SETBP1: variants seen among roughly 807,000 people sequenced by gnomAD.
SETBP1 encodes the protein SET-binding protein.
Under a neutral mutation model 101.0 loss-of-function variants are expected in SETBP1, and 9 were observed. The observed-to-expected ratio is 0.09, with a 90% confidence interval of 0.05 to 0.16. The LOEUF (loss-of-function observed/expected upper bound fraction) is 0.16. Ranked by LOEUF, SETBP1 falls within the 10% of genes least tolerant of loss-of-function variation. The pLI, the probability that SETBP1 is intolerant of heterozygous loss-of-function variation, is 1.00. For missense variants in SETBP1, 1,858 were observed against 2,033.8 expected (o/e 0.91, Z 1.66); for synonymous variants, 818 against 788.5 (o/e 1.04, Z -0.63).
At chr18:44,945,237 A>G (rs1308623043) in intron 3 of SETBP1, among the ~76,000 whole-genome samples, 2 of 152,226 alleles carry the variant, frequency 1.3e-5, no homozygotes, top group East Asian at 1.9e-4. Flanking sequence ...TCAACTGACA[A>G]AGGGCTAATA....
chr18:44,681,702 T>C (rs2068763403), intron 1 of SETBP1, among the ~76,000 whole-genome samples: 1 of 152,100 alleles, frequency 6.6e-6, no homozygotes, highest in South Asian at 2.1e-4. Context: ...TATTGCCCCC[T>C]AATGCTGCAT....
Position 44,709,567 on chromosome 18 carries a change from G to A in SETBP1, c.486+7735G>A, listed in dbSNP as rs544080312. ...CACTGTGGTGAGGTTGAAGTTGTCC[G>A]TTGGACACTTAGGACAGCCCTTTGC... On this transcript the variant is annotated intron_variant, in intron 2 of 5. Transcript: ENST00000649279. Among the ~76,000 whole-genome samples the A allele has an allele frequency of 3.9e-5, 6 of 152,278 alleles. No homozygotes were observed. In the South Asian group the frequency reaches 8.3e-4, roughly 21 times the overall value.
At position 44,877,396 on chromosome 18, in the gene SETBP1, T is replaced by G. The variant is rs968088603; in HGVS notation, c.540+8113T>G. Reference sequence around the variant, plus strand: ...CAACACTGAGCTTTCCTAGTTTTAATAAAAGAGTAGGATTTGGACTCCTTA... The same window carrying G: ...CAACACTGAGCTTTCCTAGTTTTAAGAAAAGAGTAGGATTTGGACTCCTTA... On this transcript the variant is annotated intron_variant, in intron 3 of 5. Coordinates refer to ENST00000649279, the MANE Select transcript of SETBP1 (RefSeq NM_015559.3). The G allele has an allele frequency of 1.6e-5, 16 of 980,488 alleles. No homozygotes were observed. In the South Asian group the frequency reaches 7.6e-4, roughly 46 times the overall value. The allele number at this position is 980,488 out of a possible 1,614,324, so 60.7% of individuals were successfully genotyped here. A position where few individuals can be genotyped will look rare whatever the true frequency, so the allele number is the denominator to read the frequency against.
intron 2 of SETBP1, among the ~76,000 whole-genome samples, chr18:44,825,714 G>A (rs1173501310): frequency 6.6e-6 from 1 of 152,230 alleles, no homozygotes; most frequent in African/African-American, 2.4e-5. Flanking sequence ...ATTTCTTGAT[G>A]CAGAATTAAT....
At chr18:44,752,507 C>T (rs989484612) in intron 2 of SETBP1, among the ~76,000 whole-genome samples, 1 of 152,160 alleles carries the variant, frequency 6.6e-6, no homozygotes, top group Admixed American at 6.5e-5. Context: ...AAATGTGCAG[C>T]ATGTTTTTGC....
At chr18:44,858,691 C>T (rs1051571593) in intron 2 of SETBP1, among the ~76,000 whole-genome samples, 2 of 152,102 alleles carry the variant, frequency 1.3e-5, no homozygotes, top group African/African-American at 4.8e-5. Flanking sequence ...TCCTGCTGTC[C>T]AGCTCCTTCA....
intron 5 of SETBP1, among the ~76,000 whole-genome samples, chr18:45,061,429 T>A (rs1371716766): frequency 6.6e-6 from 1 of 152,176 alleles, no homozygotes; most frequent in Admixed American, 6.5e-5. Context: ...ACTACAAAAA[T>A]TTTATTTTTG....
At chr18:44,717,736 G>A (rs1390397073) in intron 2 of SETBP1, among the ~76,000 whole-genome samples, 1 of 152,176 alleles carries the variant, frequency 6.6e-6, no homozygotes, top group Non-Finnish European at 1.5e-5. Flanking sequence ...CTCACTGGTG[G>A]ACTAAGCCTG....
At chr18:44,825,027 A>G (rs995151481) in intron 2 of SETBP1, among the ~76,000 whole-genome samples, 2 of 152,226 alleles carry the variant, frequency 1.3e-5, no homozygotes, top group African/African-American at 4.8e-5. Flanking sequence ...ATTCACCTAA[A>G]CATATAGAGT....
At chr18:44,898,517 AT>A (rs2069961271) in intron 3 of SETBP1, among the ~76,000 whole-genome samples, 1 of 152,080 alleles carries the variant, frequency 6.6e-6, no homozygotes, top group Non-Finnish European at 1.5e-5. Context: ...CCAGATGTGT[AT>A]TTTCAAATGC....
intron 4 of SETBP1, among the ~76,000 whole-genome samples, chr18:44,964,794 C>T (rs532543506): frequency 2.0e-4 from 31 of 152,230 alleles, no homozygotes; most frequent in African/African-American, 7.0e-4. Flanking sequence ...CATGCTCCCC[C>T]CAGGCCACAC....
At position 44,948,438 on chromosome 18, in the gene SETBP1, A is replaced by G. The variant is rs991842655; in HGVS notation, c.541-1443A>G. ...GGGGCTGTAAGACATGTTTTCCTAT[A>G]AAGCATAAGTTCTATAGCTTCAATG... On this transcript the variant is annotated intron_variant, in intron 3 of 5. Transcript: ENST00000649279. Among the ~76,000 whole-genome samples, 19 of 152,110 alleles carry G rather than the reference A, an allele frequency of 1.2e-4. 1 individual carries two copies. Among genetic ancestry groups the G allele is most frequent in the Non-Finnish European group, 2.2e-4 (15 of 68,034 alleles).
intron 3 of SETBP1, among the ~76,000 whole-genome samples, chr18:44,941,153 C>G (rs934687937): frequency 1.4e-5 from 2 of 146,372 alleles, no homozygotes; most frequent in Non-Finnish European, 3.0e-5. Flanking sequence ...GCCATCTCAC[C>G]TCACTGCAAC....
At chr18:44,906,119 G>A (rs941093083) in intron 3 of SETBP1, among the ~76,000 whole-genome samples, 1 of 152,138 alleles carries the variant, frequency 6.6e-6, no homozygotes, top group African/African-American at 2.4e-5. Flanking sequence ...GGCGTTATGT[G>A]GATAGGTTCA....
chr18:44,692,231 G>T (rs1033352415), intron 1 of SETBP1, among the ~76,000 whole-genome samples: 2 of 152,138 alleles, frequency 1.3e-5, no homozygotes, highest in Non-Finnish European at 2.9e-5. Flanking sequence ...AAAAAAGTTT[G>T]CACACTTACT....
intron 3 of SETBP1, among the ~76,000 whole-genome samples, chr18:44,928,974 C>T (rs1175206075): frequency 2.6e-5 from 4 of 152,144 alleles, no homozygotes. Flanking sequence ...GTTGTTATTG[C>T]TCTTGGTGTT....
At chr18:44,890,625 C>T (rs751066731) in intron 3 of SETBP1, among the ~76,000 whole-genome samples, 17 of 152,118 alleles carry the variant, frequency 1.1e-4, no homozygotes, top group Non-Finnish European at 1.0e-4. Flanking sequence ...CCTCAGCCTA[C>T]ACCTGGAAGA....
intron 4 of SETBP1, among the ~76,000 whole-genome samples, chr18:45,023,110 A>C (rs561114943): frequency 5.2e-4 from 79 of 152,342 alleles, no homozygotes; most frequent in African/African-American, 1.8e-3. Context: ...TTTTCATAAA[A>C]ATTATCATAC....
chr18:44,933,175 A>G (rs2070876565), intron 3 of SETBP1, among the ~76,000 whole-genome samples: 1 of 152,234 alleles, frequency 6.6e-6, no homozygotes, highest in Non-Finnish European at 1.5e-5. Flanking sequence ...TCTAACAGTC[A>G]GGACCCTCAG....
Sources: gnomAD v4.1 joint callset for allele counts (sites outside exome capture counted in the v4.1 genomes callset) on GRCh38, gnomAD v4.1.1 for gene constraint, MANE v1.5 for transcripts, NCBI Gene and HGNC (gene_info 2026-07-23, HGNC 2026-07-21) for gene names.